PELI2: variants seen among roughly 807,000 people sequenced by gnomAD.
PELI2 encodes the protein pellino E3 ubiquitin protein ligase family member 2.
PELI2 carries 23 observed loss-of-function variants against 42.3 expected under a neutral mutation model. The ratio of observed to expected loss-of-function variants is 0.54; its 90% CI spans 0.39 to 0.77. PELI2 has a LOEUF of 0.77. PELI2 is among the 30% of genes least tolerant of loss of function. The probability of loss-of-function intolerance (pLI) is 0.00; values close to 1 mark genes in which losing one functional copy is unlikely to be tolerated. For synonymous variants in PELI2, 245 were observed against 212.2 expected (o/e 1.15, Z -1.34); for missense variants, 463 against 553.2 (o/e 0.84, Z 1.64).
At chr14:56,220,187 C>G (rs962592559) in intron 2 of PELI2, among the ~76,000 whole-genome samples, 3 of 152,190 alleles carry the variant, frequency 2.0e-5, no homozygotes, top group Non-Finnish European at 4.4e-5. Flanking sequence ...TGTGACAGAG[C>G]ACTGTTGCCA....
intron 2 of PELI2, 109 bp downstream of exon 2, chr14:56,178,573 A>G: frequency 8.3e-7 from 1 of 1,210,484 alleles, no homozygotes; most frequent in Non-Finnish European, 1.2e-6. Context: ...ACAGTCTCTC[A>G]GACCATTTGA....
rs377183066 is a variant in PELI2, at chr14:56,159,634, AT to A, written c.78-18700del. On this transcript the variant is annotated intron_variant, in intron 1 of 5. Coordinates refer to ENST00000267460, the MANE Select transcript of PELI2 (RefSeq NM_021255.3). ...GGGAATCAAAAATTACTGCAGGGCA[AT>A]ACTTAAAAAATAATTTTTACCCATA... Among the ~76,000 whole-genome samples the A allele has an allele frequency of 2.6e-5, 4 of 152,300 alleles. No individual in the cohort carries two copies. The South Asian group carries it at 8.3e-4, about 32-fold the overall frequency.
chr14:56,153,546 G>A (rs531739176), intron 1 of PELI2, among the ~76,000 whole-genome samples: 1 of 152,134 alleles, frequency 6.6e-6, no homozygotes, highest in Non-Finnish European at 1.5e-5. Context: ...AGTGTCCTTA[G>A]GCCCTAGAAA....
At chr14:56,141,420 G>A (rs547480442) in intron 1 of PELI2, among the ~76,000 whole-genome samples, 1 of 152,258 alleles carries the variant, frequency 6.6e-6, no homozygotes, top group Admixed American at 6.5e-5. Context: ...ACATCTTTTC[G>A]TCTTTGGTCT....
chr14:56,296,099 A>G (rs985210073), intron 5 of PELI2, among the ~76,000 whole-genome samples: 5 of 152,240 alleles, frequency 3.3e-5, no homozygotes, highest in Non-Finnish European at 7.3e-5. Context: ...ATGATGAAAG[A>G]TAGATTCAAG....
chr14:56,215,927 G>A lies in PELI2; in HGVS notation c.207+37463G>A, dbSNP rs183033827. Among the ~76,000 whole-genome samples, 18 of 152,264 alleles carry A rather than the reference G, an allele frequency of 1.2e-4. No individual in the cohort carries two copies. In the East Asian group the frequency reaches 2.9e-3, roughly 24 times the overall value. ...GTTTTATTTTGTAGTCACATTTCAC[G>A]TTGTTATGTGGTGGAATATATATCA... is the stretch of plus-strand genomic sequence containing the variant. On this transcript the variant is annotated intron_variant, in intron 2 of 5. Coordinates refer to ENST00000267460, the MANE Select transcript of PELI2 (RefSeq NM_021255.3).
chr14:56,229,571 C>G (rs1216797761), intron 2 of PELI2, among the ~76,000 whole-genome samples: 1 of 152,154 alleles, frequency 6.6e-6, no homozygotes, highest in African/African-American at 2.4e-5. Context: ...AAAGGACATC[C>G]ACACCAAAAC....
chr14:56,143,177 C>T (rs1255013357), intron 1 of PELI2, among the ~76,000 whole-genome samples: 1 of 152,034 alleles, frequency 6.6e-6, no homozygotes, highest in East Asian at 1.9e-4. Context: ...GAGTACTGGT[C>T]GGTTATTTTG....
At chr14:56,234,519 T>C (rs11849649) in intron 2 of PELI2, among the ~76,000 whole-genome samples, 61,259 of 151,954 alleles carry the variant, frequency 0.4, 13,067 homozygotes, top group South Asian at 0.53. Flanking sequence ...CCAAACACCA[T>C]GTGTTCTCAC....
chr14:56,265,496 A>G (rs944403233), intron 2 of PELI2, among the ~76,000 whole-genome samples: 3 of 152,154 alleles, frequency 2.0e-5, no homozygotes, highest in Admixed American at 6.5e-5. Context: ...ACTAAATATA[A>G]AACTTCTAAG....
chr14:56,122,681 T>C (rs1006338742), intron 1 of PELI2, among the ~76,000 whole-genome samples: 29 of 152,114 alleles, frequency 1.9e-4, no homozygotes, highest in African/African-American at 6.8e-4. Context: ...GGTCCACAGA[T>C]GGAGTTCGGG....
intron 1 of PELI2, among the ~76,000 whole-genome samples, chr14:56,121,884 T>G (rs539473282): frequency 6.6e-6 from 1 of 152,236 alleles, no homozygotes; most frequent in African/African-American, 2.4e-5. Flanking sequence ...ACAGTTGTTT[T>G]AATAGCAGAA....
intron 1 of PELI2, among the ~76,000 whole-genome samples, chr14:56,167,871 C>T (rs376090800): frequency 3.9e-5 from 6 of 152,290 alleles, no homozygotes; most frequent in East Asian, 1.9e-4. Context: ...TAAGCTATAT[C>T]GGCTTTAGGG....
At chr14:56,260,630 A>T (rs1566670690) in intron 2 of PELI2, among the ~76,000 whole-genome samples, 1 of 152,228 alleles carries the variant, frequency 6.6e-6, no homozygotes, top group African/African-American at 2.4e-5. Flanking sequence ...TGTAAACTAT[A>T]CCTCAATAAA....
At chr14:56,171,878 T>C (rs527933178) in intron 1 of PELI2, among the ~76,000 whole-genome samples, 2 of 152,232 alleles carry the variant, frequency 1.3e-5, no homozygotes, top group Non-Finnish European at 1.5e-5. Flanking sequence ...TAGCTGGGCA[T>C]GGTGGTGTGC....
chr14:56,127,550 C>T (rs939522297), intron 1 of PELI2, among the ~76,000 whole-genome samples: 2 of 152,156 alleles, frequency 1.3e-5, no homozygotes, highest in African/African-American at 2.4e-5. Context: ...GAGAAGCAAG[C>T]CAAGGCAGAA....
At chr14:56,255,079 A>C (rs1430895854) in intron 2 of PELI2, among the ~76,000 whole-genome samples, 1 of 152,198 alleles carries the variant, frequency 6.6e-6, no homozygotes, top group Non-Finnish European at 1.5e-5. Context: ...ACAGTGTGGC[A>C]ATTCCTCAAG....
chr14:56,272,416 A>G (rs946656450), intron 2 of PELI2, among the ~76,000 whole-genome samples: 2 of 143,010 alleles, frequency 1.4e-5, no homozygotes, highest in African/African-American at 5.4e-5. Context: ...CTAGTAAGGC[A>G]TACCTCTTGG....
At chr14:56,149,843 C>T (rs1405757666) in intron 1 of PELI2, among the ~76,000 whole-genome samples, 2 of 152,108 alleles carry the variant, frequency 1.3e-5, no homozygotes, top group African/African-American at 2.4e-5. Context: ...GTTTTACTTT[C>T]GTTAAGGACG....
Sources: allele counts gnomAD v4.1 joint callset (sites outside exome capture counted in the v4.1 genomes callset), GRCh38; gene constraint gnomAD v4.1.1; transcripts MANE v1.5; gene names NCBI Gene and HGNC (gene_info 2026-07-23, HGNC 2026-07-21).